The following TCF4 variants were observed in gnomAD, a reference collection of about 807,000 sequenced individuals.
TCF4 encodes the protein transcription factor 4.
TCF4 carries 3 observed loss-of-function variants against 82.1 expected under a neutral mutation model. The observed-to-expected ratio is 0.04, with a 90% CI of 0.02 to 0.09. The LOEUF is 0.09. Among genes scored for constraint, TCF4 ranks in the 10% least tolerant of loss-of-function variants. The pLI, the probability that TCF4 is intolerant of heterozygous loss-of-function variation, is 1.00. For synonymous variants in TCF4, 276 were observed against 309.6 expected, an observed-to-expected ratio of 0.89 and a Z score of 1.14; for missense variants, 518 against 852.7, an observed-to-expected ratio of 0.61 and a Z score of 4.89.
intron 3 of TCF4, among the ~76,000 whole-genome samples, chr18:55,529,438 A>G (rs1191540039): frequency 6.6e-6 from 1 of 152,168 alleles, no homozygotes; most frequent in Admixed American, 6.5e-5. Context: ...ATTTTTCTAT[A>G]GGCAAAGAAG....
At chr18:55,448,424 A>G (rs1160199444) in intron 5 of TCF4, among the ~76,000 whole-genome samples, 2 of 152,236 alleles carry the variant, frequency 1.3e-5, no homozygotes, top group Non-Finnish European at 2.9e-5. Flanking sequence ...CTTTAACTAG[A>G]ACACTCAGAA....
intron 3 of TCF4, among the ~76,000 whole-genome samples, chr18:55,472,020 CTTAA>C (rs1315310722): frequency 6.6e-6 from 1 of 152,162 alleles, no homozygotes; most frequent in Non-Finnish European, 1.5e-5. Context: ...ATATTTTAGC[CTTAA>C]TTAACATCCA....
chr18:55,522,817 G>T (rs1412838926), intron 3 of TCF4, among the ~76,000 whole-genome samples: 1 of 152,018 alleles, frequency 6.6e-6, no homozygotes, highest in East Asian at 1.9e-4. Context: ...AGGTTCAAAA[G>T]AGATCTAGTT....
chr18:55,510,683 C>A, intron 3 of TCF4: 1 of 1,467,644 alleles, frequency 6.8e-7, no homozygotes, highest in Non-Finnish European at 9.0e-7. Context: ...AGTTTGTGAA[C>A]TGAGACCTCC....
At chr18:55,608,054 C>T (rs546377244) in intron 2 of TCF4, among the ~76,000 whole-genome samples, 1 of 152,318 alleles carries the variant, frequency 6.6e-6, no homozygotes, top group South Asian at 2.1e-4. Context: ...AAGCTGCGTG[C>T]CACATGCTTC....
chr18:55,448,221 T>A (rs929553910), intron 5 of TCF4, among the ~76,000 whole-genome samples: 1 of 152,246 alleles, frequency 6.6e-6, no homozygotes, highest in Admixed American at 6.5e-5. Flanking sequence ...CCTTTCATCA[T>A]AAAGGTTTTT....
chr18:55,270,590 G>T (rs780472563), intron 10 of TCF4, among the ~76,000 whole-genome samples: 1 of 152,086 alleles, frequency 6.6e-6, no homozygotes, highest in Non-Finnish European at 1.5e-5. Context: ...GACTTATTTT[G>T]GTTTGAGTAC....
chr18:55,508,351 C>T lies in TCF4; in HGVS notation c.146-44214G>A, dbSNP rs147250548. On this transcript the variant is annotated intron_variant, in intron 3 of 19. Coordinates refer to ENST00000354452, the MANE Select transcript of TCF4 (RefSeq NM_001083962.2). ...TCCTCCGTTATAGCAATTCTACCAC[C>T]ACCACTTCTGAAAATGGGTTTTGAA... is the stretch of plus-strand genomic sequence containing the variant. 1.3e-3 allele frequency among the ~76,000 whole-genome samples: 193 copies of T among 152,288 alleles called. 2 individuals are homozygous for T. In the East Asian group the frequency reaches 0.036, roughly 28 times the overall value.
intron 3 of TCF4, among the ~76,000 whole-genome samples, chr18:55,583,167 C>T (rs1335100341): frequency 2.6e-5 from 4 of 152,098 alleles, no homozygotes; most frequent in Admixed American, 6.5e-5. Flanking sequence ...GACCATTACA[C>T]TTTTTACCCT....
At position 55,232,694 on chromosome 18, in the gene TCF4, T is replaced by C. The variant is rs749405997; in HGVS notation, c.1487-23A>G. On this transcript the variant is annotated intron_variant, in intron 16 of 19. Coordinates refer to ENST00000354452, the MANE Select transcript of TCF4 (RefSeq NM_001083962.2). Reference sequence around the variant, plus strand: ...TGCCTGCCGAAAAAGAGAAATCAGGTGACATGTACACCACAATCTCACTGC... The same window carrying C: ...TGCCTGCCGAAAAAGAGAAATCAGGCGACATGTACACCACAATCTCACTGC... 19 of 1,613,876 alleles carry C rather than the reference T, an allele frequency of 1.2e-5. 1 individual carries two copies. The South Asian group carries it at 2.0e-4, about 17-fold the overall frequency.
At chr18:55,323,245 T>C (rs1037702042) in intron 8 of TCF4, among the ~76,000 whole-genome samples, 1 of 152,162 alleles carries the variant, frequency 6.6e-6, no homozygotes, top group Non-Finnish European at 1.5e-5. Flanking sequence ...TGATCCCAAA[T>C]GAAACTAAAT....
At chr18:55,519,441 G>GA (rs35885107) in intron 3 of TCF4, among the ~76,000 whole-genome samples, 309 of 95,930 alleles carry the variant, frequency 3.2e-3, no homozygotes, top group Middle Eastern at 5.6e-3. Context: ...CTCAAAAAAA[G>GA]AAAAAAAAAA....
chr18:55,623,553 T>A (rs2097723626), intron 2 of TCF4, among the ~76,000 whole-genome samples: 1 of 152,202 alleles, frequency 6.6e-6, no homozygotes, highest in South Asian at 2.1e-4. Context: ...GAATGCAAAA[T>A]TGGATGCTGT....
intron 3 of TCF4, among the ~76,000 whole-genome samples, chr18:55,484,216 A>G (rs1186906747): frequency 1.3e-5 from 2 of 152,246 alleles, no homozygotes; most frequent in East Asian, 3.8e-4. Flanking sequence ...CAAATTAATT[A>G]TTCAGAATCC....
intron 2 of TCF4, among the ~76,000 whole-genome samples, chr18:55,613,591 G>A (rs1323621311): frequency 1.3e-5 from 2 of 152,150 alleles, no homozygotes; most frequent in African/African-American, 4.8e-5. Context: ...ACATGGCTGG[G>A]AGGCGTCAAG....
chr18:55,428,621 T>C (rs1245461615), intron 5 of TCF4, among the ~76,000 whole-genome samples: 1 of 152,238 alleles, frequency 6.6e-6, no homozygotes, highest in African/African-American at 2.4e-5. Context: ...ATCTCCTATT[T>C]CTTAGCTTCT....
At chr18:55,403,941 T>G in intron 5 of TCF4, 3 of 1,356,332 alleles carry the variant, frequency 2.2e-6, no homozygotes, top group Non-Finnish European at 2.8e-6. Flanking sequence ...AACTAATCAA[T>G]CACAGGCTCT....
intron 3 of TCF4, among the ~76,000 whole-genome samples, chr18:55,472,618 G>A (rs565431250): frequency 3.3e-5 from 5 of 152,072 alleles, no homozygotes; most frequent in East Asian, 1.9e-4. Context: ...TTGACTTTTC[G>A]AAATGTGACC....
upstream of TCF4, among the ~76,000 whole-genome samples, chr18:55,592,417 T>A (rs1013775311): frequency 6.6e-6 from 1 of 152,128 alleles, no homozygotes; most frequent in Admixed American, 6.5e-5. Context: ...TCTCACATAG[T>A]GGAGAAAGAG....
Sources: gnomAD v4.1 joint callset for allele counts (sites outside exome capture counted in the v4.1 genomes callset) on GRCh38, gnomAD v4.1.1 for gene constraint, MANE v1.5 for transcripts, NCBI Gene and HGNC (gene_info 2026-07-23, HGNC 2026-07-21) for gene names.